GPATCH2: variants seen among roughly 807,000 people sequenced by gnomAD.
The protein encoded by GPATCH2 is G patch domain-containing protein 2.
A neutral mutation model predicts 58.0 loss-of-function variants in GPATCH2; 51 were observed. The ratio of observed to expected loss-of-function variants is 0.88; its 90% CI spans 0.70 to 1.11. GPATCH2 has a LOEUF of 1.11. Among genes scored for constraint, GPATCH2 ranks in the 50% most tolerant of loss-of-function variants. The pLI is 0.00. For synonymous variants in GPATCH2, 222 were observed against 218.5 expected (o/e 1.02, Z -0.14); for missense variants, 625 against 652.2 (o/e 0.96, Z 0.45).
chr1:217,600,676 AAAT>A (rs1009064965), intron 5 of GPATCH2, among the ~76,000 whole-genome samples: 8 of 152,124 alleles, frequency 5.3e-5, no homozygotes, highest in Admixed American at 4.6e-4. Flanking sequence ...GATTTTTAAA[AAAT>A]AATAATAATG....
chr1:217,540,298 C>T (rs1465416419), intron 5 of GPATCH2, among the ~76,000 whole-genome samples: 1 of 152,014 alleles, frequency 6.6e-6, no homozygotes, highest in Non-Finnish European at 1.5e-5. Flanking sequence ...AGCTAAGTGC[C>T]CCTTTTGCAT....
chr1:217,619,917 C>T lies in GPATCH2; in HGVS notation c.639G>A (p.Lys213=). ...TTGGTCCTTGTCTGATTATTTTCAA[C>T]TTTCTTTTTTTGACTTTGTTCTTGG... ...EFTKNKVKKR[K]LKIIRQGPKI... is the part of the protein sequence containing the mutation. The change falls in exon 2 of 10, where the codon AAG becomes AAA. Residue 213 remains lysine, a synonymous_variant. Coordinates refer to ENST00000366935, the MANE Select transcript of GPATCH2 (RefSeq NM_018040.5). 6.2e-7 allele frequency: 1 copy of T among 1,613,844 alleles called. No individual in the cohort carries two copies. The highest frequency in any genetic ancestry group is 8.5e-7 in the Non-Finnish European group (1 of 1,179,904).
chr1:217,584,344 A>AAAAAAAAAAAAAAATATATATATATATAT lies in GPATCH2; in HGVS notation c.1098+25976_1098+25977insATATATATATATATATTTTTTTTTTTTTT, dbSNP rs1463910405. On this transcript the variant is annotated intron_variant, in intron 5 of 9. Coordinates refer to ENST00000366935, the MANE Select transcript of GPATCH2 (RefSeq NM_018040.5). ...CTCACCTCTACTAAAAAAAAAAAAA[A>AAAAAAAAAAAAAAATATATATATATATAT]ATATATATATATATATATATACACA... Among the ~76,000 whole-genome samples the AAAAAAAAAAAAAAATATATATATATATAT allele has an allele frequency of 1.6e-4, 16 of 101,776 alleles. No individual in the cohort carries two copies. The East Asian group carries it at 1.8e-3, about 12-fold the overall frequency. The allele number at this position is 101,776 out of a possible 152,430, so 66.8% of individuals were successfully genotyped here.
intron 5 of GPATCH2, among the ~76,000 whole-genome samples, chr1:217,519,428 G>A (rs186176324): frequency 2.1e-3 from 323 of 152,108 alleles, no homozygotes; most frequent in Non-Finnish European, 3.9e-3. Context: ...AATACAAAAA[G>A]TGATAATTCA....
At chr1:217,527,751 T>G (rs1167084910) in intron 5 of GPATCH2, among the ~76,000 whole-genome samples, 2 of 152,158 alleles carry the variant, frequency 1.3e-5, no homozygotes, top group African/African-American at 4.8e-5. Flanking sequence ...AAACAACAAG[T>G]CATTTGGTGG....
At chr1:217,446,763 T>C (rs1271842628) in intron 9 of GPATCH2, among the ~76,000 whole-genome samples, 1 of 152,128 alleles carries the variant, frequency 6.6e-6, no homozygotes, top group East Asian at 1.9e-4. Context: ...GGTGTAAGCT[T>C]ATATAAAAAA....
At chr1:217,576,722 T>C (rs372078918) in intron 5 of GPATCH2, among the ~76,000 whole-genome samples, 1 of 152,290 alleles carries the variant, frequency 6.6e-6, no homozygotes, top group East Asian at 1.9e-4. Context: ...ACTCATGACA[T>C]GATCGCACCA....
chr1:217,628,635 T>C (rs900846445), intron 1 of GPATCH2, among the ~76,000 whole-genome samples: 7 of 149,834 alleles, frequency 4.7e-5, no homozygotes, highest in Admixed American at 3.3e-4. Context: ...AGAGTCAATA[T>C]AGTTTATTTT....
rs867863339 is a variant in GPATCH2 at position 217,504,938 on chromosome 1, T to C, written c.1167-6543A>G. 9.8e-5 allele frequency among the ~76,000 whole-genome samples: 15 copies of C among 152,318 alleles called. No homozygotes were observed. In the South Asian group the frequency reaches 2.3e-3, roughly 23 times the overall value. ...CATCCTTGAAAGTCAGAGTCAAGTTTATGCAAAGGCAGAGGAAGAAAAAAA... is the reference window on the plus strand; with the variant it reads ...CATCCTTGAAAGTCAGAGTCAAGTTCATGCAAAGGCAGAGGAAGAAAAAAA... On this transcript the variant is annotated intron_variant, in intron 6 of 9. Coordinates refer to ENST00000366935, the MANE Select transcript of GPATCH2 (RefSeq NM_018040.5).
intron 8 of GPATCH2, among the ~76,000 whole-genome samples, chr1:217,485,929 T>A (rs186516192): frequency 1.3e-5 from 2 of 152,368 alleles, no homozygotes; most frequent in East Asian, 3.9e-4. Flanking sequence ...CTGTCTTAAT[T>A]AACATAGCTT....
intron 5 of GPATCH2, among the ~76,000 whole-genome samples, chr1:217,566,960 T>C (rs2102706042): frequency 6.6e-6 from 1 of 152,284 alleles, no homozygotes; most frequent in South Asian, 2.1e-4. Flanking sequence ...ATAACAGTTA[T>C]TTTCAGGCAA....
intron 8 of GPATCH2, among the ~76,000 whole-genome samples, chr1:217,485,699 C>A (rs1287284079): frequency 1.3e-5 from 2 of 152,182 alleles, no homozygotes; most frequent in East Asian, 3.9e-4. Context: ...GCCTACTACA[C>A]ACCTAGGCTC....
intron 9 of GPATCH2, among the ~76,000 whole-genome samples, chr1:217,431,724 C>T (rs375965009): frequency 9.2e-5 from 14 of 152,176 alleles, no homozygotes; most frequent in African/African-American, 3.4e-4. Flanking sequence ...ATAAAGTACT[C>T]TACTAATGGA....
chr1:217,507,214 G>T (rs1571827262), intron 6 of GPATCH2, among the ~76,000 whole-genome samples: 1 of 152,174 alleles, frequency 6.6e-6, no homozygotes, highest in East Asian at 1.9e-4. Context: ...CTATATGAAG[G>T]TAAAAGAATG....
chr1:217,477,485 G>T (rs1661018509), intron 8 of GPATCH2, among the ~76,000 whole-genome samples: 1 of 152,140 alleles, frequency 6.6e-6, no homozygotes, highest in Admixed American at 6.5e-5. Flanking sequence ...GGCCAGAGGG[G>T]AGCCCACTGC....
chr1:217,586,090 T>C (rs942375139), intron 5 of GPATCH2, among the ~76,000 whole-genome samples: 5 of 152,108 alleles, frequency 3.3e-5, no homozygotes, highest in African/African-American at 9.7e-5. Context: ...GAGGGAGAGG[T>C]GAGTGAAAGT....
intron 5 of GPATCH2, among the ~76,000 whole-genome samples, chr1:217,556,214 C>CAA (rs985736028): frequency 6.6e-6 from 1 of 152,102 alleles, no homozygotes; most frequent in African/African-American, 2.4e-5. Flanking sequence ...TAAGTCTGTA[C>CAA]AAAAACCACA....
intron 1 of GPATCH2, among the ~76,000 whole-genome samples, chr1:217,629,239 T>C (rs531244409): frequency 6.9e-6 from 1 of 145,146 alleles, no homozygotes; most frequent in Non-Finnish European, 1.5e-5. Context: ...ATACAGATAG[T>C]CATACAGATA....
At chr1:217,629,651 T>C (rs1458409707) in intron 1 of GPATCH2, among the ~76,000 whole-genome samples, 1 of 152,170 alleles carries the variant, frequency 6.6e-6, no homozygotes, top group East Asian at 1.9e-4. Flanking sequence ...TCTTGTTTTG[T>C]GTGGTGTTTA....
Sources: allele counts gnomAD v4.1 joint callset (sites outside exome capture counted in the v4.1 genomes callset), GRCh38; gene constraint gnomAD v4.1.1; transcripts MANE v1.5; gene names NCBI Gene and HGNC (gene_info 2026-07-23, HGNC 2026-07-21).